Variants in PUS1 observed in about 807,000 individuals in gnomAD.
The protein encoded by PUS1 is pseudouridylate synthase 1 homolog.
A neutral mutation model predicts 38.5 loss-of-function variants in PUS1; 25 were observed. The ratio of observed to expected loss-of-function variants is 0.65; its 90% CI spans 0.47 to 0.91. The LOEUF (loss-of-function observed/expected upper bound fraction) is 0.91. Ranked by LOEUF, PUS1 falls within the 40% of genes least tolerant of loss-of-function variation. The pLI is 0.00. For synonymous variants in PUS1, 282 were observed against 260.4 expected (o/e 1.08, Z -0.80); for missense variants, 597 against 612.3 (o/e 0.97, Z 0.26).
At chr12:131,939,368 T>C in intron 4 of PUS1, 93 bp downstream of exon 4, 1 of 854,992 alleles carries the variant, frequency 1.2e-6, no homozygotes, top group Non-Finnish European at 1.9e-6. Flanking sequence ...TCCAACTGTC[T>C]CTGATGCAGA....
chr12:131,939,250 C>A lies in PUS1; in HGVS notation c.519C>A (p.His173Gln). 6.4e-7 allele frequency: 1 copy of A among 1,558,196 alleles called. No individual in the cohort carries two copies. Among genetic ancestry groups the A allele is most frequent in the South Asian group, 1.2e-5 (1 of 84,952 alleles). ...ACATTCTAGAAAAGATCAACAGCCACCTTCCCTCTCACATTCGGATTCTGG... is the reference window on the plus strand; with the variant it reads ...ACATTCTAGAAAAGATCAACAGCCAACTTCCCTCTCACATTCGGATTCTGG... ...IDDILEKINS[H>Q]LPSHIRILGL... is the part of the protein sequence containing the mutation. Residue 173 changes from histidine (H) to glutamine (Q), a missense_variant, in exon 4 of 6, where the codon CAC becomes CAA. His to Gln is a conservative substitution (Grantham distance 24). Coordinates refer to ENST00000376649, the MANE Select transcript of PUS1 (RefSeq NM_025215.6).
chr12:131,943,757 G>C lies in PUS1; in HGVS notation c.*171G>C. 1 of 645,640 alleles carries C rather than the reference G, an allele frequency of 1.5e-6. No homozygotes were observed. Among genetic ancestry groups the C allele is most frequent in the South Asian group, 1.6e-5 (1 of 62,332 alleles). The allele number at this position is 645,640 out of a possible 1,614,324, so 40.0% of individuals were successfully genotyped here. ...TGTAGGAACAGCCTTTCTCGAATCT[G>C]TTTTCAGCTCTTGCATTGCATAGAT... On this transcript the variant is annotated 3_prime_UTR_variant, in exon 6 of 6. Transcript: ENST00000376649.
At chr12:131,939,586 C>T (rs1269873819) in intron 4 of PUS1, among the ~76,000 whole-genome samples, 1 of 152,174 alleles carries the variant, frequency 6.6e-6, no homozygotes, top group African/African-American at 2.4e-5. Flanking sequence ...TTTTAGGCCT[C>T]CTTAAAATGT....
intron 4 of PUS1, chr12:131,940,903 A>G (rs6598176): frequency 0.82 from 182,816 of 222,416 alleles, 76,209 homozygotes; most frequent in Middle Eastern, 0.87. Flanking sequence ...ACACATAATT[A>G]TACATACTTA....
chr12:131,931,570 T>C (rs1224812738), intron 2 of PUS1: 1 of 154,056 alleles, frequency 6.5e-6, no homozygotes, highest in African/African-American at 2.4e-5. Context: ...TTTATTTATT[T>C]TTGAGACAGA....
intron 5 of PUS1, among the ~76,000 whole-genome samples, chr12:131,942,845 T>C (rs1593298148): frequency 1.3e-5 from 2 of 152,218 alleles, no homozygotes; most frequent in East Asian, 1.9e-4. Flanking sequence ...GATTCAACTG[T>C]GTGCAGGCCC....
intron 2 of PUS1, among the ~76,000 whole-genome samples, chr12:131,930,635 T>C (rs1890559992): frequency 6.6e-6 from 1 of 152,124 alleles, no homozygotes; most frequent in African/African-American, 2.4e-5. Flanking sequence ...TTTTTTTTTC[T>C]TTTTGAGGCG....
intron 4 of PUS1, among the ~76,000 whole-genome samples, chr12:131,940,738 C>A (rs990745210): frequency 6.6e-6 from 1 of 152,092 alleles, no homozygotes; most frequent in African/African-American, 2.4e-5. Context: ...CACGCCACCA[C>A]GCCCAGCTAA....
chr12:131,936,600 C>T (rs892619737), intron 3 of PUS1, among the ~76,000 whole-genome samples: 5 of 151,480 alleles, frequency 3.3e-5, no homozygotes, highest in Middle Eastern at 3.4e-3. Context: ...AAAAAGTGTG[C>T]GGTTCAAGCT....
Position 131,930,155 on chromosome 12 carries a change from G to C in PUS1, c.303+20G>C. On this transcript the variant is annotated intron_variant, in intron 2 of 5. Transcript: ENST00000376649. ...ATGCAGGTGTGGCCGCCCGGGAAGC[G>C]GCAGGTCCCGCGGGGTTTAGGTGCA... 1.4e-6 allele frequency: 2 copies of C among 1,411,330 alleles called. No individual in the cohort carries two copies. The highest frequency in any genetic ancestry group is 1.8e-6 in the Non-Finnish European group (2 of 1,082,954). The allele number at this position is 1,411,330 out of a possible 1,614,324, so 87.4% of individuals were successfully genotyped here. A position where few individuals can be genotyped will look rare whatever the true frequency, so the allele number is the denominator to read the frequency against.
In PUS1 at chr12:131,941,882, G is replaced by A. The variant is rs886049093; in HGVS notation, c.1135G>A (p.Gly379Ser). ...GGAGCACATCTACCCCACCATCATC[G>A]GCACCGAGCGGGACGAACGCTCCAT... The part of the protein sequence containing the change: ...KEEHIYPTII[G>S]TERDERSMAQ... The change falls in exon 5 of 6, where the codon GGC becomes AGC. Residue 379 changes from glycine to serine, a missense_variant. Transcript: ENST00000376649. The surrounding 1 kb of genome is among the most constrained non-coding windows in gnomAD (Gnocchi z 4.4). 1.7e-5 allele frequency: 28 copies of A among 1,613,510 alleles called. No homozygotes were observed. The highest frequency in any genetic ancestry group is 2.2e-5 in the East Asian group (1 of 44,894).
chr12:131,942,622 G>A (rs1220897282), intron 5 of PUS1, among the ~76,000 whole-genome samples: 5 of 152,252 alleles, frequency 3.3e-5, no homozygotes, highest in South Asian at 2.1e-4. Context: ...TAGCCAGGAT[G>A]GTCTTGATCT....
chr12:131,943,605 C>G lies in PUS1; in HGVS notation c.*19C>G. 6.2e-7 allele frequency: 1 copy of G among 1,608,426 alleles called. No individual in the cohort carries two copies. On this transcript the variant is annotated 3_prime_UTR_variant, in exon 6 of 6. Coordinates refer to ENST00000376649, the MANE Select transcript of PUS1 (RefSeq NM_025215.6). ...TGACTGAGGCGATGGGAGCTGCCCA[C>G]CAGAGTGCCTCTGAGCAGCTCACAG...
Position 131,929,965 on chromosome 12 carries a change from G to A in PUS1, c.133G>A (p.Asp45Asn), listed in dbSNP as rs1593286306. 3 of 1,516,624 alleles carry A rather than the reference G, an allele frequency of 2.0e-6. No homozygotes were observed. The highest frequency in any genetic ancestry group is 1.7e-6 in the Non-Finnish European group (2 of 1,142,894). The allele number at this position is 1,516,624 out of a possible 1,614,324, so 93.9% of individuals were successfully genotyped here. The change falls in exon 2 of 6, where the codon GAC becomes AAC. Residue 45 changes from aspartate to asparagine, a missense_variant. Coordinates refer to ENST00000376649, the MANE Select transcript of PUS1 (RefSeq NM_025215.6). ...GCCCGCCGGAGCCGCATGCCCCCAG[G>A]ACCGGAGGTCCTGCAGCGGCCGGGC... ...PPPAGAACPQDRRSCSGRAGG... is the reference protein window; with the variant it reads ...PPPAGAACPQNRRSCSGRAGG...
rs1269764527 is a variant in PUS1 at position 131,931,985 on chromosome 12, G to C, written c.304-190G>C. On this transcript the variant is annotated intron_variant, in intron 2 of 5. Coordinates refer to ENST00000376649, the MANE Select transcript of PUS1 (RefSeq NM_025215.6). ...TCCACACTACCCACCCCCTAGCATG[G>C]AGCAGCCCGGCCCCAGGGTGAGTGA... is the stretch of plus-strand genomic sequence containing the variant. 7.3e-6 allele frequency: 5 copies of C among 685,346 alleles called. No individual in the cohort carries two copies. In the Admixed American group the frequency reaches 8.1e-5, roughly 11 times the overall value. The allele number at this position is 685,346 out of a possible 1,614,324, so 42.5% of individuals were successfully genotyped here.
chr12:131,935,103 AAGTT>A (rs1890765951), intron 3 of PUS1, among the ~76,000 whole-genome samples: 1 of 146,100 alleles, frequency 6.8e-6, no homozygotes, highest in Non-Finnish European at 1.5e-5. Context: ...AGGGATCCAC[AAGTT>A]CACTCCTAGT....
rs568857111 is a variant in PUS1 at position 131,942,653 on chromosome 12, G to A, written c.1236+670G>A. Among the ~76,000 whole-genome samples, 79 of 152,252 alleles carry A rather than the reference G, an allele frequency of 5.2e-4. 1 individual carries two copies. Among genetic ancestry groups the A allele is most frequent in the East Asian group, 9.7e-4 (5 of 5,166 alleles). On this transcript the variant is annotated intron_variant, in intron 5 of 5. Coordinates refer to ENST00000376649, the MANE Select transcript of PUS1 (RefSeq NM_025215.6). The stretch of plus-strand genomic sequence containing the variant: ...GATCTCCTGACCTTGTGATCCACCC[G>A]CCTTGGCCTCCCAAAGTGCTGGGAT...
At position 131,929,952 on chromosome 12, in the gene PUS1, C is replaced by A; in HGVS notation, c.120C>A (p.Ala40=). 1 of 1,508,300 alleles carries A rather than the reference C, an allele frequency of 6.6e-7. No homozygotes were observed. Among genetic ancestry groups the A allele is most frequent in the South Asian group, 1.2e-5 (1 of 80,336 alleles). The allele number at this position is 1,508,300 out of a possible 1,614,324, so 93.4% of individuals were successfully genotyped here. The change falls in exon 2 of 6, where the codon GCC becomes GCA. Residue 40 remains alanine, a synonymous_variant. Transcript: ENST00000376649. ...AGNAEPPPAG[A]ACPQDRRSCS... is the part of the protein sequence containing the mutation. ...ACGCGGAGCCGCCGCCCGCCGGAGC[C>A]GCATGCCCCCAGGACCGGAGGTCCT...
intron 4 of PUS1, among the ~76,000 whole-genome samples, chr12:131,939,908 G>A (rs959087259): frequency 6.6e-6 from 1 of 151,542 alleles, no homozygotes; most frequent in Non-Finnish European, 1.5e-5. Context: ...CCCAGAAGCC[G>A]CTTATATTTA....
Sources: gnomAD v4.1 joint callset for allele counts (sites outside exome capture counted in the v4.1 genomes callset) on GRCh38, gnomAD v4.1.1 for gene constraint, Gnocchi (gnomAD v3.1) non-coding constraint, MANE v1.5 for transcripts, NCBI Gene and HGNC (gene_info 2026-07-23, HGNC 2026-07-21) for gene names.